The following GID4 variants were observed in gnomAD, a reference collection of about 807,000 sequenced individuals.
GID4 encodes GID complex subunit 4 homolog, also known as glucose-induced degradation protein 4 homolog.
A neutral mutation model predicts 32.4 loss-of-function variants in GID4; 7 were observed. The ratio of observed to expected loss-of-function variants is 0.22; its 90% CI spans 0.12 to 0.41. The LOEUF is 0.41. Ranked by LOEUF, GID4 falls within the 10% of genes least tolerant of loss-of-function variation. GID4 has a pLI of 1.00. For missense variants in GID4, 309 were observed against 400.0 expected, an observed-to-expected ratio of 0.77 and a Z score of 1.94; for synonymous variants, 166 against 170.0, an observed-to-expected ratio of 0.98 and a Z score of 0.18.
chr17:18,041,702 A>T (rs2044805364), intron 1 of GID4, among the ~76,000 whole-genome samples: 1 of 152,140 alleles, frequency 6.6e-6, no homozygotes, highest in Non-Finnish European at 1.5e-5. Flanking sequence ...GTTCAGTTTG[A>T]TGGTTTCTGA....
intron 5 of GID4, among the ~76,000 whole-genome samples, chr17:18,064,820 A>G (rs2045046532): frequency 6.6e-6 from 1 of 152,220 alleles, no homozygotes; most frequent in Non-Finnish European, 1.5e-5. Context: ...AGAGCCTGGC[A>G]TTACATGCTA....
chr17:18,056,742 T>G (rs1400200533), intron 3 of GID4: 2 of 1,550,622 alleles, frequency 1.3e-6, no homozygotes, highest in East Asian at 2.4e-5. Flanking sequence ...TCTGCTAGAC[T>G]GGACTGAAAC....
Position 18,039,536 on chromosome 17 carries a change from G to A in GID4, c.72G>A (p.Gly24=). The A allele has an allele frequency of 7.6e-7, 1 of 1,308,806 alleles. No individual in the cohort carries two copies. Among genetic ancestry groups the A allele is most frequent in the Non-Finnish European group, 9.7e-7 (1 of 1,033,514 alleles). 81.1% of individuals were successfully genotyped at this position (1,308,806 alleles called of 1,614,324 possible). The change falls in exon 1 of 6, where the codon GGG becomes GGA. Residue 24 remains glycine, a synonymous_variant. Coordinates refer to ENST00000268719, the MANE Select transcript of GID4 (RefSeq NM_024052.5). The surrounding 1 kb of genome is among the most constrained non-coding windows in gnomAD (Gnocchi z 5.3). The stretch of plus-strand genomic sequence containing the variant: ...GGAGGCCCTGCTCGCAGGTCCCTGG[G>A]TCCCGGTGGCGGCCGGAGCGCTTGC... ...RTGRPCSQVP[G]SRWRPERLLR...
At chr17:18,042,443 C>A (rs2044811943) in intron 1 of GID4, among the ~76,000 whole-genome samples, 1 of 152,172 alleles carries the variant, frequency 6.6e-6, no homozygotes, top group African/African-American at 2.4e-5. Context: ...GCATAATGTC[C>A]TCAAGGTTCA....
At chr17:18,041,703 T>C (rs2044805412) in intron 1 of GID4, among the ~76,000 whole-genome samples, 1 of 152,214 alleles carries the variant, frequency 6.6e-6, no homozygotes, top group South Asian at 2.1e-4. Flanking sequence ...TTCAGTTTGA[T>C]GGTTTCTGAT....
Position 18,039,552 on chromosome 17 carries a change from G to C in GID4, c.88G>C (p.Glu30Gln), listed in dbSNP as rs369896915. ...GGTCCCTGGGTCCCGGTGGCGGCCG[G>C]AGCGCTTGCTCCGCAGGCAGCGGGC... is the stretch of plus-strand genomic sequence containing the variant. ...SQVPGSRWRP[E>Q]RLLRRQRAGG... Residue 30 changes from glutamate to glutamine, a missense_variant, in exon 1 of 6, where the codon GAG becomes CAG. Coordinates refer to ENST00000268719, the MANE Select transcript of GID4 (RefSeq NM_024052.5). The surrounding 1 kb of genome is among the most constrained non-coding windows in gnomAD (Gnocchi z 5.3). 2 of 1,305,812 alleles carry C rather than the reference G, an allele frequency of 1.5e-6. No individual in the cohort carries two copies. Among genetic ancestry groups the C allele is most frequent in the Non-Finnish European group, 1.9e-6 (2 of 1,031,776 alleles). The allele number at this position is 1,305,812 out of a possible 1,614,324, so 80.9% of individuals were successfully genotyped here. A position where few individuals can be genotyped will look rare whatever the true frequency, so the allele number is the denominator to read the frequency against.
At chr17:18,046,497 A>G (rs1265474428) in intron 2 of GID4, among the ~76,000 whole-genome samples, 2 of 152,012 alleles carry the variant, frequency 1.3e-5, no homozygotes, top group African/African-American at 4.8e-5. Context: ...AGTCCTAGCT[A>G]CTCAGAAGAC....
intron 3 of GID4, among the ~76,000 whole-genome samples, chr17:18,057,684 G>T (rs2044981775): frequency 6.6e-6 from 1 of 151,952 alleles, no homozygotes; most frequent in Non-Finnish European, 1.5e-5. Flanking sequence ...TTTAAAAAAT[G>T]GGATCATAAA....
At chr17:18,044,737 A>G (rs2044836305) in intron 1 of GID4, among the ~76,000 whole-genome samples, 1 of 152,212 alleles carries the variant, frequency 6.6e-6, no homozygotes, top group Admixed American at 6.5e-5. Flanking sequence ...AAAAGGCTTG[A>G]AAGACATTAG....
chr17:18,062,718 A>C (rs936118999), intron 5 of GID4, among the ~76,000 whole-genome samples: 1 of 152,214 alleles, frequency 6.6e-6, no homozygotes, highest in African/African-American at 2.4e-5. Context: ...CCCTGTAGCC[A>C]CGATTTTTAG....
chr17:18,054,243 A>G lies in GID4; in HGVS notation c.606+9A>G, dbSNP rs1230814571. 6.5e-7 allele frequency: 1 copy of G among 1,534,962 alleles called. No individual in the cohort carries two copies. Among genetic ancestry groups the G allele is most frequent in the Admixed American group, 1.7e-5 (1 of 59,848 alleles). ...TTGATCGGAAACACTGGGTGAGTAAATCTGATCTGTGCTGGGTCATCTAGG... is the reference window on the plus strand; with the variant it reads ...TTGATCGGAAACACTGGGTGAGTAAGTCTGATCTGTGCTGGGTCATCTAGG... On this transcript the variant is annotated intron_variant, in intron 3 of 5. Coordinates refer to ENST00000268719, the MANE Select transcript of GID4 (RefSeq NM_024052.5).
chr17:18,063,268 G>A (rs1261630029), intron 5 of GID4, among the ~76,000 whole-genome samples: 2 of 151,932 alleles, frequency 1.3e-5, no homozygotes, highest in Admixed American at 6.6e-5. Context: ...AAATTAGCCA[G>A]GCGTGCTGGT....
intron 5 of GID4, 150 bp downstream of exon 5, chr17:18,062,125 C>G (rs1176313239): frequency 1.1e-5 from 8 of 709,722 alleles, no homozygotes; most frequent in Admixed American, 2.4e-5. Context: ...TCAGTGATCT[C>G]AGTTGCTCAC....
intron 5 of GID4, 26 bp downstream of exon 5, chr17:18,062,001 A>G: frequency 6.2e-7 from 1 of 1,610,462 alleles, no homozygotes; most frequent in Non-Finnish European, 8.5e-7. Context: ...GACAGAGGCC[A>G]CGGGGAGGGC....
intron 1 of GID4, among the ~76,000 whole-genome samples, chr17:18,044,320 T>A (rs2044831707): frequency 6.6e-6 from 1 of 152,144 alleles, no homozygotes. Context: ...AAGTCTTACG[T>A]GGTAGGTAGG....
intron 2 of GID4, among the ~76,000 whole-genome samples, chr17:18,052,724 A>G (rs1352970485): frequency 6.6e-6 from 1 of 152,220 alleles, no homozygotes; most frequent in African/African-American, 2.4e-5. Flanking sequence ...TTATTAACAC[A>G]TGAACAAAGA....
Position 18,061,694 on chromosome 17 carries a change from C to T in GID4, c.709-151C>T, listed in dbSNP as rs1024804498. ...TTTTAGAAGTCAGGCTGAGACCCCACGGGCCCGCCATCACCCAGCAAGTCT... is the reference window on the plus strand; with the variant it reads ...TTTTAGAAGTCAGGCTGAGACCCCATGGGCCCGCCATCACCCAGCAAGTCT... On this transcript the variant is annotated intron_variant, in intron 4 of 5. Coordinates refer to ENST00000268719, the MANE Select transcript of GID4 (RefSeq NM_024052.5). This position sits in a 1 kb window ranked among gnomAD's most constrained non-coding sequence, Gnocchi z 4.4. 9.9e-6 allele frequency: 7 copies of T among 706,456 alleles called. No homozygotes were observed. The highest frequency in any genetic ancestry group is 1.8e-5 in the African/African-American group (1 of 56,464). The allele number at this position is 706,456 out of a possible 1,614,324, so 43.8% of individuals were successfully genotyped here.
Position 18,067,310 on chromosome 17 carries a change from C to T in GID4, c.*2067C>T, listed in dbSNP as rs2045073726. 6.6e-6 allele frequency: 1 copy of T among 152,318 alleles called. No individual in the cohort carries two copies. The highest frequency in any genetic ancestry group is 1.5e-5 in the Non-Finnish European group (1 of 68,114). 9.4% of individuals were successfully genotyped at this position (152,318 alleles called of 1,614,324 possible). A position where few individuals can be genotyped will look rare whatever the true frequency, so the allele number is the denominator to read the frequency against. ...GTCCGGAGGTCATCCCTGAGCTCAT[C>T]CACGGCTCATGCTGTGGCTCCGAGT... On this transcript the variant is annotated 3_prime_UTR_variant, in exon 6 of 6. Coordinates refer to ENST00000268719, the MANE Select transcript of GID4 (RefSeq NM_024052.5).
intron 1 of GID4, 45 bp from the exon 2 acceptor site, chr17:18,045,102 G>T: frequency 6.7e-7 from 1 of 1,503,242 alleles, no homozygotes; most frequent in Non-Finnish European, 9.3e-7. Context: ...ATGTCCCCTA[G>T]TAAGTTTATC....
Sources: gnomAD v4.1 joint callset for allele counts (sites outside exome capture counted in the v4.1 genomes callset) on GRCh38, gnomAD v4.1.1 for gene constraint, Gnocchi (gnomAD v3.1) non-coding constraint, MANE v1.5 for transcripts, NCBI Gene and HGNC (gene_info 2026-07-23, HGNC 2026-07-21) for gene names.